FSD1L: variants seen among roughly 807,000 people sequenced by gnomAD.
FSD1L encodes the protein fibronectin type III and SPRY domain containing 1 like.
A neutral mutation model predicts 71.6 loss-of-function variants in FSD1L; 45 were observed. The ratio of observed to expected loss-of-function variants is 0.63; its 90% confidence interval spans 0.49 to 0.81. FSD1L has a LOEUF of 0.81. Ranked by LOEUF, FSD1L falls within the 30% of genes least tolerant of loss-of-function variation. The pLI is 0.00. For synonymous variants in FSD1L, 197 were observed against 207.2 expected, an observed-to-expected ratio of 0.95 and a Z score of 0.42; for missense variants, 561 against 618.1, an observed-to-expected ratio of 0.91 and a Z score of 0.98.
chr9:105,546,648 C>T lies in FSD1L; in HGVS notation c.*165C>T, dbSNP rs1837024076. Reference sequence around the variant, plus strand: ...ACCTAGTACGAAGCATTTGCAGGAACCTACTGTGCAGTATCATAGAAGCAA... The same window carrying T: ...ACCTAGTACGAAGCATTTGCAGGAATCTACTGTGCAGTATCATAGAAGCAA... On this transcript the variant is annotated 3_prime_UTR_variant, in exon 14 of 14. Transcript: ENST00000481272. The T allele has an allele frequency of 5.4e-6, 3 of 560,096 alleles. No individual in the cohort carries two copies. The highest frequency in any genetic ancestry group is 3.6e-5 in the South Asian group (1 of 27,960). 34.7% of individuals were successfully genotyped at this position (560,096 alleles called of 1,614,324 possible). A position where few individuals can be genotyped will look rare whatever the true frequency, so the allele number is the denominator to read the frequency against.
At chr9:105,544,879 C>G (rs2131539093) in intron 13 of FSD1L, among the ~76,000 whole-genome samples, 1 of 152,268 alleles carries the variant, frequency 6.6e-6, no homozygotes, top group East Asian at 1.9e-4. Flanking sequence ...CAGCTTTGTT[C>G]TTTTTCCTTA....
intron 7 of FSD1L, among the ~76,000 whole-genome samples, chr9:105,495,474 C>A (rs545173212): frequency 4.5e-4 from 68 of 152,350 alleles, no homozygotes; most frequent in African/African-American, 1.6e-3. Context: ...ATGCCTCGCC[C>A]TGCTTCGGCT....
intron 7 of FSD1L, among the ~76,000 whole-genome samples, chr9:105,498,156 T>C (rs1394608822): frequency 6.6e-6 from 1 of 151,168 alleles, no homozygotes; most frequent in Non-Finnish European, 1.5e-5. Context: ...ATTTTTGTTC[T>C]AATTTTCATT....
chr9:105,506,297 A>G, intron 7 of FSD1L, 102 bp from the exon 8 acceptor site: 1 of 869,424 alleles, frequency 1.2e-6, no homozygotes, highest in Admixed American at 2.6e-5. Context: ...TTAAAAGCAT[A>G]ATGAAAAAGC....
intron 7 of FSD1L, among the ~76,000 whole-genome samples, chr9:105,485,435 G>A (rs1235307928): frequency 6.6e-6 from 1 of 151,744 alleles, no homozygotes; most frequent in Non-Finnish European, 1.5e-5. Flanking sequence ...ACCTCTTAAA[G>A]GCACCACTTC....
chr9:105,490,161 C>T (rs1201831324), intron 7 of FSD1L, among the ~76,000 whole-genome samples: 1 of 152,186 alleles, frequency 6.6e-6, no homozygotes, highest in East Asian at 1.9e-4. Context: ...TCCTCTCCAG[C>T]ACCTGTTGTT....
rs184353818 is a variant in FSD1L at position 105,508,656 on chromosome 9, G to A, written c.836G>A (p.Arg279Gln). The A allele has an allele frequency of 4.9e-4, 767 of 1,551,504 alleles. 1 individual carries two copies. Among genetic ancestry groups the A allele is most frequent in the Non-Finnish European group, 5.1e-4 (589 of 1,146,618 alleles). The part of the protein sequence containing the change: ...FDSKYMNFRV[R>Q]ACNKAVAGEY... The stretch of plus-strand genomic sequence containing the variant: ...TCAAAGTATATGAATTTCAGAGTGC[G>A]AGCTTGTAACAAGGCTGTGGCTGGA... Residue 279 changes from arginine (R) to glutamine (Q), a missense_variant, in exon 9 of 14, where the codon CGA (arginine) becomes CAA (glutamine). Around this residue, in one of 3 missense-constraint regions of FSD1L, gnomAD observed 410 missense variants for 413.5 expected, o/e 0.99. Transcript: ENST00000481272.
chr9:105,525,073 A>G lies in FSD1L; in HGVS notation c.1026-9420A>G, dbSNP rs944572627. On this transcript the variant is annotated intron_variant, in intron 10 of 13. Coordinates refer to ENST00000481272, the MANE Select transcript of FSD1L (RefSeq NM_001145313.3). ...TACGTGATCTCTCTGGAAAATATTC[A>G]TGGGATTCTGCTATACTGTATGGCC... 2.7e-5 allele frequency: 42 copies of G among 1,572,206 alleles called. No individual in the cohort carries two copies. In the African/African-American group the frequency reaches 4.1e-4, roughly 15 times the overall value.
chr9:105,451,508 T>G (rs1304969394), intron 1 of FSD1L, among the ~76,000 whole-genome samples: 1 of 152,240 alleles, frequency 6.6e-6, no homozygotes. Flanking sequence ...TCAGTGTTAA[T>G]GTTAGCAGCA....
chr9:105,482,216 G>A (rs566361490), intron 6 of FSD1L, among the ~76,000 whole-genome samples: 6 of 152,240 alleles, frequency 3.9e-5, no homozygotes, highest in Non-Finnish European at 7.4e-5. Flanking sequence ...TTACACAGAG[G>A]AACAGCAGGA....
chr9:105,461,604 A>G lies in FSD1L; in HGVS notation c.100A>G (p.Asn34Asp), dbSNP rs1289395381. Residue 34 changes from asparagine (N) to aspartate (D), a missense_variant, in exon 2 of 14, where the codon AAC (asparagine) becomes GAC (aspartate). Asn to Asp is a conservative substitution (Grantham distance 23, BLOSUM62 1). Around this residue, in one of 3 missense-constraint regions of FSD1L, gnomAD observed 410 missense variants for 413.5 expected, o/e 0.99. Transcript: ENST00000481272. Reference protein sequence around the residue: ...SNITIGPESINLQQEALQRII... With the variant: ...SNITIGPESIDLQQEALQRII... ...CATCACTATTGGACCAGAGTCTATT[A>G]ACTTGCAGCAGGTTGGTAGCTCTTA... 3.9e-6 allele frequency: 6 copies of G among 1,548,322 alleles called. No individual in the cohort carries two copies. The highest frequency in any genetic ancestry group is 5.2e-6 in the Non-Finnish European group (6 of 1,143,826).
intron 10 of FSD1L, chr9:105,524,273 T>A: frequency 6.2e-7 from 1 of 1,612,616 alleles, no homozygotes; most frequent in Non-Finnish European, 8.5e-7. Flanking sequence ...GTAACATGCT[T>A]CACATGCTGG....
intron 10 of FSD1L, among the ~76,000 whole-genome samples, chr9:105,516,175 A>C (rs1834706254): frequency 6.6e-6 from 1 of 152,176 alleles, no homozygotes; most frequent in African/African-American, 2.4e-5. Context: ...CTCTGAAAAA[A>C]AGGCACCAGC....
chr9:105,496,193 T>G (rs1008905107), intron 7 of FSD1L, among the ~76,000 whole-genome samples: 10 of 150,344 alleles, frequency 6.7e-5, no homozygotes, highest in African/African-American at 2.4e-4. Flanking sequence ...CAGGTCTTGA[T>G]GACTGTAGCT....
At chr9:105,472,482 AT>A (rs796126136) in intron 5 of FSD1L, 79 of 151,214 alleles carry the variant, frequency 5.2e-4, no homozygotes, top group East Asian at 7.7e-4. Context: ...GTAAATTGTA[AT>A]TTTTTTTTTA....
chr9:105,532,322 T>G (rs1835944452), intron 10 of FSD1L, among the ~76,000 whole-genome samples: 1 of 152,220 alleles, frequency 6.6e-6, no homozygotes, highest in African/African-American at 2.4e-5. Context: ...GAAAGAAAAT[T>G]ATGATACAGT....
chr9:105,451,429 C>A (rs1269426433), intron 1 of FSD1L, among the ~76,000 whole-genome samples: 2 of 152,202 alleles, frequency 1.3e-5, no homozygotes, highest in African/African-American at 2.4e-5. Flanking sequence ...ACAGAAGCTT[C>A]ATGGTGGCTA....
chr9:105,513,615 C>T, intron 10 of FSD1L: 1 of 1,533,120 alleles, frequency 6.5e-7, no homozygotes, highest in Non-Finnish European at 8.7e-7. Flanking sequence ...TGTTACTTCA[C>T]TGAAGAAACA....
At position 105,550,589 on chromosome 9, in the gene FSD1L, A is replaced by T. The variant is rs1253810950; in HGVS notation, c.*4106A>T. On this transcript the variant is annotated 3_prime_UTR_variant, in exon 14 of 14. Coordinates refer to ENST00000481272, the MANE Select transcript of FSD1L (RefSeq NM_001145313.3). ...TTGTGATCCTGATATGTCACATATA[A>T]TAGCTTTGTTACCTGGAGTATTTGA... 1.3e-5 allele frequency: 2 copies of T among 152,070 alleles called. No individual in the cohort carries two copies. Among genetic ancestry groups the T allele is most frequent in the African/African-American group, 2.4e-5 (1 of 41,442 alleles). The allele number at this position is 152,070 out of a possible 1,614,324, so 9.4% of individuals were successfully genotyped here.
Sources: gnomAD v4.1 joint callset for allele counts (sites outside exome capture counted in the v4.1 genomes callset) on GRCh38, gnomAD v4.1.1 for gene constraint, gnomAD v4.1.1 regional missense constraint, MANE v1.5 for transcripts, NCBI Gene and HGNC (gene_info 2026-07-23, HGNC 2026-07-21) for gene names.